Variants in RAPGEF2 observed in about 807,000 individuals in gnomAD.
RAPGEF2 encodes the protein PDZ domain containing guanine nucleotide exchange factor (GEF) 1.
Under a neutral mutation model 186.7 loss-of-function variants are expected in RAPGEF2, and 54 were observed. The observed-to-expected ratio is 0.29, with a 90% CI of 0.23 to 0.36. The LOEUF (loss-of-function observed/expected upper bound fraction) is 0.36. Among genes scored for constraint, RAPGEF2 ranks in the 10% least tolerant of loss-of-function variants. The pLI, the probability that RAPGEF2 is intolerant of heterozygous loss-of-function variation, is 1.00. For synonymous variants in RAPGEF2, 712 were observed against 705.9 expected, an observed-to-expected ratio of 1.01 and a Z score of -0.14; for missense variants, 1,532 against 2,045.0, an observed-to-expected ratio of 0.75 and a Z score of 4.84.
chr4:159,266,200 T>C (rs1480420031), intron 7 of RAPGEF2, among the ~76,000 whole-genome samples: 10 of 150,912 alleles, frequency 6.6e-5, no homozygotes. Context: ...GTTGGGGGGA[T>C]GGGGAGAAGG....
intron 7 of RAPGEF2, chr4:159,268,354 T>A (rs1579686036): frequency 1.6e-6 from 1 of 613,626 alleles, no homozygotes; most frequent in Non-Finnish European, 2.7e-6. Context: ...GAGGGGAGGG[T>A]GCATTAAAGC....
intron 7 of RAPGEF2, among the ~76,000 whole-genome samples, chr4:159,302,938 A>G (rs1464747874): frequency 1.3e-5 from 2 of 152,034 alleles, no homozygotes; most frequent in East Asian, 3.8e-4. Context: ...CACTTCTCCA[A>G]GCTCCCTCAA....
chr4:159,221,507 C>T (rs1380763690), intron 4 of RAPGEF2, among the ~76,000 whole-genome samples: 2 of 152,122 alleles, frequency 1.3e-5, no homozygotes, highest in Non-Finnish European at 2.9e-5. Context: ...CACCCAGGAT[C>T]CTGGGACATG....
chr4:159,245,277 G>C (rs774033952), intron 7 of RAPGEF2, among the ~76,000 whole-genome samples: 1 of 152,054 alleles, frequency 6.6e-6, no homozygotes, highest in Non-Finnish European at 1.5e-5. Flanking sequence ...TTTGCAGAGA[G>C]AATAGCATTT....
chr4:159,285,771 G>A (rs970122032), intron 7 of RAPGEF2, among the ~76,000 whole-genome samples: 5 of 151,968 alleles, frequency 3.3e-5, no homozygotes, highest in Admixed American at 1.3e-4. Context: ...ATCACAGTAC[G>A]GATCAGAATA....
rs555173047 is a variant in RAPGEF2 at position 159,183,270 on chromosome 4, A to G, written c.70-3372A>G. On this transcript the variant is annotated intron_variant, in intron 1 of 29. Transcript: ENST00000691494. ...TGAGAGTCCAGAAAGAAACCCTTTT[A>G]TATGGTCAATTGATTTTTCAGTGAG... Among the ~76,000 whole-genome samples the G allele has an allele frequency of 1.1e-4, 16 of 152,348 alleles. 1 individual carries two copies. The highest frequency in any genetic ancestry group is 2.1e-4 in the Non-Finnish European group (14 of 68,034).
At chr4:159,118,720 G>C (rs939943865) in intron 1 of RAPGEF2, among the ~76,000 whole-genome samples, 4 of 151,986 alleles carry the variant, frequency 2.6e-5, no homozygotes, top group Non-Finnish European at 5.9e-5. Flanking sequence ...CAAGTCGCTG[G>C]GATTACAGGC....
At chr4:159,255,815 TA>T (rs1291072789) in intron 7 of RAPGEF2, among the ~76,000 whole-genome samples, 1 of 152,232 alleles carries the variant, frequency 6.6e-6, no homozygotes, top group Non-Finnish European at 1.5e-5. Flanking sequence ...TTTTTAATCT[TA>T]AAACTTCACT....
intron 26 of RAPGEF2, chr4:159,351,251 G>C: frequency 1.4e-6 from 2 of 1,424,808 alleles, no homozygotes; most frequent in Non-Finnish European, 1.9e-6. Flanking sequence ...GAAAATGGGA[G>C]AATTCCTCCA....
chr4:159,192,574 T>C (rs1748229245), intron 2 of RAPGEF2, among the ~76,000 whole-genome samples: 1 of 152,362 alleles, frequency 6.6e-6, no homozygotes, highest in South Asian at 2.1e-4. Flanking sequence ...TTGAAGATGC[T>C]ATTCTCAGGG....
intron 4 of RAPGEF2, among the ~76,000 whole-genome samples, chr4:159,221,822 A>G (rs1751567370): frequency 1.3e-5 from 2 of 152,228 alleles, no homozygotes; most frequent in Non-Finnish European, 2.9e-5. Flanking sequence ...ATCTTAAGGA[A>G]GTGCTGGGAG....
chr4:159,113,740 CAAAAAA>C (rs11311075), intron 1 of RAPGEF2, among the ~76,000 whole-genome samples: 1 of 86,636 alleles, frequency 1.2e-5, no homozygotes, highest in Admixed American at 1.2e-4. Context: ...GACTCTGTCT[CAAAAAA>C]AAAAAAAAAA....
At chr4:159,110,292 A>C (rs1385733753) in intron 1 of RAPGEF2, among the ~76,000 whole-genome samples, 1 of 152,220 alleles carries the variant, frequency 6.6e-6, no homozygotes, top group Non-Finnish European at 1.5e-5. Context: ...CTGGTTAATC[A>C]TATAGTTAAA....
intron 8 of RAPGEF2, among the ~76,000 whole-genome samples, chr4:159,313,264 A>G (rs2111102772): frequency 6.6e-6 from 1 of 152,360 alleles, no homozygotes; most frequent in Non-Finnish European, 1.5e-5. Flanking sequence ...GTGAATGTTT[A>G]AAAAGAGACA....
chr4:159,188,672 A>G (rs1484878605), intron 2 of RAPGEF2, among the ~76,000 whole-genome samples: 1 of 151,806 alleles, frequency 6.6e-6, no homozygotes, highest in Admixed American at 6.6e-5. Context: ...TCAAAAAAAA[A>G]AAAAAAGAAA....
intron 26 of RAPGEF2, chr4:159,352,463 T>C (rs1245988108): frequency 2.0e-6 from 1 of 493,926 alleles, no homozygotes; most frequent in African/African-American, 1.9e-5. Context: ...GCTTGTAGGA[T>C]ACTTTCTTTT....
At chr4:159,344,638 T>C (rs1446762333) in intron 23 of RAPGEF2, among the ~76,000 whole-genome samples, 1 of 152,226 alleles carries the variant, frequency 6.6e-6, no homozygotes, top group Non-Finnish European at 1.5e-5. Context: ...TTGACCGTAT[T>C]ACTTTAAAAA....
chr4:159,132,596 C>T (rs1741228463), intron 1 of RAPGEF2, among the ~76,000 whole-genome samples: 1 of 152,132 alleles, frequency 6.6e-6, no homozygotes, highest in Non-Finnish European at 1.5e-5. Flanking sequence ...TAAAATCTGA[C>T]TTTTCTCATT....
intron 1 of RAPGEF2, among the ~76,000 whole-genome samples, chr4:159,182,938 T>C (rs1202028422): frequency 6.6e-6 from 1 of 152,196 alleles, no homozygotes; most frequent in African/African-American, 2.4e-5. Flanking sequence ...AATAAATGTA[T>C]AGACATCACA....
Sources: gnomAD v4.1 joint callset for allele counts (sites outside exome capture counted in the v4.1 genomes callset) on GRCh38, gnomAD v4.1.1 for gene constraint, MANE v1.5 for transcripts, NCBI Gene and HGNC (gene_info 2026-07-23, HGNC 2026-07-21) for gene names.